The following PCM1 variants were observed in gnomAD, a reference collection of about 807,000 sequenced individuals.
PCM1 encodes the protein pericentriolar material 1 protein.
A neutral mutation model predicts 241.9 loss-of-function variants in PCM1; 157 were observed. The observed-to-expected ratio is 0.65, with a 90% confidence interval of 0.57 to 0.74. PCM1 has a LOEUF of 0.74. Ranked by LOEUF, PCM1 falls within the 30% of genes least tolerant of loss-of-function variation. The pLI is 0.00. For missense variants in PCM1, 3,478 were observed against 2,360.1 expected (o/e 1.47, Z -9.81); for synonymous variants, 1,085 against 784.9 (o/e 1.38, Z -6.39).
intron 36 of PCM1, among the ~76,000 whole-genome samples, chr8:18,020,083 C>T (rs867237527): frequency 6.6e-6 from 1 of 152,096 alleles, no homozygotes; most frequent in Non-Finnish European, 1.5e-5. Context: ...TAGGAACAAG[C>T]TTTCAATAAA....
intron 21 of PCM1, among the ~76,000 whole-genome samples, chr8:17,967,382 C>T (rs1386455849): frequency 1.2e-4 from 18 of 151,220 alleles, no homozygotes; most frequent in Non-Finnish European, 1.9e-4. Context: ...GATCTTGGCT[C>T]ACGGCAGCCT....
intron 31 of PCM1, 106 bp from the exon 32 acceptor site, chr8:18,010,503 G>C: frequency 1.3e-6 from 1 of 760,490 alleles, no homozygotes; most frequent in Non-Finnish European, 2.2e-6. Flanking sequence ...ATACAGGCCA[G>C]GCTTAGGTCT....
rs373580358 is a variant in PCM1 at position 18,025,429 on chromosome 8, A to G, written c.5910A>G (p.Pro1970=). ...ATTTTGTAAAAGTTGAAGATTTACCACTGAAACTGACAATATATTCAGAGG... is the reference window on the plus strand; with the variant it reads ...ATTTTGTAAAAGTTGAAGATTTACCGCTGAAACTGACAATATATTCAGAGG... ...EEDFVKVEDL[P]LKLTIYSEAD... The change falls in exon 37 of 39, where the codon CCA becomes CCG. Residue 1970 remains proline, a synonymous_variant. Coordinates refer to ENST00000325083, the MANE Select transcript of PCM1 (RefSeq NM_006197.4). The G allele has an allele frequency of 1.9e-6, 3 of 1,596,146 alleles. No homozygotes were observed. The highest frequency in any genetic ancestry group is 2.6e-6 in the Non-Finnish European group (3 of 1,166,078).
intron 18 of PCM1, 33 bp downstream of exon 18, chr8:17,964,801 T>A (rs1358935922): frequency 2.0e-6 from 3 of 1,533,490 alleles, no homozygotes; most frequent in Non-Finnish European, 2.7e-6. Flanking sequence ...TGTGCTTAAT[T>A]TAAGAGGCTC....
At chr8:17,947,421 G>A (rs2129455803) in intron 7 of PCM1, 58 bp downstream of exon 7, 1 of 1,218,490 alleles carries the variant, frequency 8.2e-7, no homozygotes, top group East Asian at 2.4e-5. Context: ...TAATTGTATT[G>A]CAGGGTGGAT....
intron 6 of PCM1, among the ~76,000 whole-genome samples, chr8:17,940,767 G>T (rs1458818657): frequency 6.6e-6 from 1 of 152,158 alleles, no homozygotes; most frequent in African/African-American, 2.4e-5. Context: ...CTGAAGAATA[G>T]TAATTTACAG....
chr8:17,956,660 A>G lies in PCM1; in HGVS notation c.1529A>G (p.Tyr510Cys). Reference protein sequence around the residue: ...LNELRELVHYYEQTSDMMTDA... With the variant: ...LNELRELVHYCEQTSDMMTDA... ...GAGCTAAGAGAATTAGTTCATTATT[A>G]TGAACAAACGTCAGACATGATGACA... is the stretch of plus-strand genomic sequence containing the variant. Residue 510 changes from tyrosine (Y) to cysteine (C), a missense_variant, in exon 11 of 39, where the codon TAT (tyrosine) becomes TGT (cysteine). Physicochemically the swap from Tyr to Cys is radical, Grantham distance 194. Transcript: ENST00000325083. The G allele has an allele frequency of 6.2e-7, 1 of 1,603,272 alleles. No homozygotes were observed. Among genetic ancestry groups the G allele is most frequent in the East Asian group, 2.2e-5 (1 of 44,714 alleles).
chr8:17,968,118 T>G (rs1387388733), intron 21 of PCM1, among the ~76,000 whole-genome samples: 2 of 151,386 alleles, frequency 1.3e-5, no homozygotes, highest in African/African-American at 4.9e-5. Context: ...TCCAGAGAGA[T>G]TAGAAATGAA....
chr8:17,970,759 A>G (rs1477681590), intron 22 of PCM1, among the ~76,000 whole-genome samples: 1 of 152,156 alleles, frequency 6.6e-6, no homozygotes, highest in African/African-American at 2.4e-5. Flanking sequence ...ATAGTAAAAA[A>G]TTACTCTGGT....
In PCM1 at chr8:17,940,668, G is replaced by A. The variant is rs1053774935; in HGVS notation, c.783+807G>A. 2.6e-5 allele frequency among the ~76,000 whole-genome samples: 4 copies of A among 152,148 alleles called. No individual in the cohort carries two copies. The East Asian group carries it at 7.7e-4, about 29-fold the overall frequency. ...AGAGAAAGACTAGTAAATGGGACAG[G>A]ATAGCATTTACATTGTGACTTATTC... is the stretch of plus-strand genomic sequence containing the variant. On this transcript the variant is annotated intron_variant, in intron 6 of 38. Transcript: ENST00000325083.
intron 34 of PCM1, 53 bp from the exon 35 acceptor site, chr8:18,013,911 T>C: frequency 9.2e-7 from 1 of 1,082,230 alleles, no homozygotes. Flanking sequence ...ATCATCTCTT[T>C]TATAGTGACC....
In PCM1 at chr8:17,947,319, T is replaced by G. The variant is rs1272571838; in HGVS notation, c.917T>G (p.Leu306Arg). ...LQGRQAALLA[L>R]QHKAEQAIAV... Reference sequence around the variant, plus strand: ...GGACGGCAGGCTGCACTTCTAGCTCTGCAACATAAAGCAGAGCAAGCTATT... The same window carrying G: ...GGACGGCAGGCTGCACTTCTAGCTCGGCAACATAAAGCAGAGCAAGCTATT... Residue 306 changes from leucine (L) to arginine (R), a missense_variant, in exon 7 of 39, where the codon CTG (leucine) becomes CGG (arginine). Physicochemically the swap from Leu to Arg is moderately radical, Grantham distance 102. Coordinates refer to ENST00000325083, the MANE Select transcript of PCM1 (RefSeq NM_006197.4). 1 of 1,612,250 alleles carries G rather than the reference T, an allele frequency of 6.2e-7. No homozygotes were observed. The highest frequency in any genetic ancestry group is 8.5e-7 in the Non-Finnish European group (1 of 1,179,088).
intron 26 of PCM1, among the ~76,000 whole-genome samples, chr8:17,986,615 A>G (rs2082692200): frequency 6.6e-6 from 1 of 151,756 alleles, no homozygotes; most frequent in Non-Finnish European, 1.5e-5. Context: ...AGAATGGTAT[A>G]AATTCAGTAA....
intron 29 of PCM1, among the ~76,000 whole-genome samples, chr8:17,995,670 A>ATTG (rs1393580491): frequency 1.3e-5 from 2 of 148,148 alleles, no homozygotes; most frequent in Non-Finnish European, 2.9e-5. Context: ...CAGACATTTT[A>ATTG]ACAATATTGA....
chr8:18,029,018 G>A lies in PCM1; in HGVS notation c.*1356G>A. On this transcript the variant is annotated 3_prime_UTR_variant, in exon 39 of 39. Coordinates refer to ENST00000325083, the MANE Select transcript of PCM1 (RefSeq NM_006197.4). The stretch of plus-strand genomic sequence containing the variant: ...ATAAAAAAATTAGCTGGGAGAGGTG[G>A]CACGTGCCTGTAGTCCTAGCTACTT... 1 of 177,442 alleles carries A rather than the reference G, an allele frequency of 5.6e-6. No individual in the cohort carries two copies. Among genetic ancestry groups the A allele is most frequent in the Non-Finnish European group, 1.2e-5 (1 of 82,518 alleles). 11.0% of individuals were successfully genotyped at this position (177,442 alleles called of 1,614,324 possible).
At chr8:18,016,769 C>G (rs1041763618) in intron 36 of PCM1, among the ~76,000 whole-genome samples, 2 of 152,148 alleles carry the variant, frequency 1.3e-5, no homozygotes, top group African/African-American at 2.4e-5. Flanking sequence ...CATCTTAATC[C>G]TTTTGCACAA....
At chr8:17,996,663 C>T (rs969191388) in intron 29 of PCM1, among the ~76,000 whole-genome samples, 4 of 151,936 alleles carry the variant, frequency 2.6e-5, no homozygotes, top group Non-Finnish European at 1.5e-5. Flanking sequence ...TTTTAACATC[C>T]ATTGTTTTCG....
chr8:18,014,966 T>C (rs2092983417), intron 36 of PCM1, 126 bp downstream of exon 36: 1 of 810,018 alleles, frequency 1.2e-6, no homozygotes, highest in Non-Finnish European at 1.9e-6. Flanking sequence ...TTGGAACATT[T>C]TTCTAATTCA....
chr8:17,925,999 T>G (rs2299583), intron 2 of PCM1: 67,111 of 141,304 alleles, frequency 0.47, 16,554 homozygotes, highest in Non-Finnish European at 0.6. Flanking sequence ...TCTCAGTGGG[T>G]TTTTTTTTTT....
Sources: gnomAD v4.1 joint callset for allele counts (sites outside exome capture counted in the v4.1 genomes callset) on GRCh38, gnomAD v4.1.1 for gene constraint, MANE v1.5 for transcripts, NCBI Gene and HGNC (gene_info 2026-07-23, HGNC 2026-07-21) for gene names.